Variants in EXOC4 observed in about 807,000 individuals in gnomAD.
EXOC4 encodes the protein SEC8-like 1.
A neutral mutation model predicts 107.2 loss-of-function variants in EXOC4; 71 were observed. The observed-to-expected ratio is 0.66, with a 90% CI of 0.55 to 0.81. The LOEUF (loss-of-function observed/expected upper bound fraction) is 0.81. EXOC4 is among the 30% of genes least tolerant of loss of function. EXOC4 has a pLI of 0.00. For missense variants in EXOC4, 1,108 were observed against 1,189.6 expected (o/e 0.93, Z 1.01); for synonymous variants, 456 against 441.2 (o/e 1.03, Z -0.42).
chr7:133,927,435 G>A (rs6955707), intron 13 of EXOC4, among the ~76,000 whole-genome samples: 70,035 of 152,026 alleles, frequency 0.46, 17,270 homozygotes, highest in African/African-American at 0.63. Flanking sequence ...TTCCTGTTGG[G>A]AATTTGAAAG....
intron 10 of EXOC4, among the ~76,000 whole-genome samples, chr7:133,694,538 G>C (rs887183275): frequency 1.3e-5 from 2 of 152,132 alleles, no homozygotes; most frequent in Non-Finnish European, 2.9e-5. Flanking sequence ...AACAGTATGT[G>C]TAAAGAAAAG....
intron 14 of EXOC4, among the ~76,000 whole-genome samples, chr7:133,941,640 G>A (rs1445068710): frequency 1.3e-5 from 2 of 151,974 alleles, no homozygotes; most frequent in African/African-American, 2.4e-5. Context: ...TTCTCCTCTG[G>A]TATTCTCCCC....
chr7:133,679,267 A>G (rs1191363288), intron 10 of EXOC4, among the ~76,000 whole-genome samples: 1 of 152,192 alleles, frequency 6.6e-6, no homozygotes, highest in Non-Finnish European at 1.5e-5. Flanking sequence ...CATTTTCAGA[A>G]TTTTATAGGG....
At chr7:133,375,624 ATTC>A (rs991077278) in intron 7 of EXOC4, among the ~76,000 whole-genome samples, 1 of 152,230 alleles carries the variant, frequency 6.6e-6, no homozygotes, top group African/African-American at 2.4e-5. Context: ...ACATTAAAAT[ATTC>A]TTAAGCATTA....
chr7:133,451,660 A>T (rs1302353430), intron 7 of EXOC4, among the ~76,000 whole-genome samples: 3 of 152,156 alleles, frequency 2.0e-5, no homozygotes, highest in Non-Finnish European at 4.4e-5. Context: ...GAGTCAGAGA[A>T]AGAGTTACAC....
intron 7 of EXOC4, among the ~76,000 whole-genome samples, chr7:133,399,646 GGT>G (rs1482898758): frequency 6.6e-6 from 1 of 152,198 alleles, no homozygotes; most frequent in African/African-American, 2.4e-5. Context: ...CCTCATGAGT[GGT>G]GTAGACAAGA....
chr7:133,579,843 C>T (rs761263496), intron 9 of EXOC4, among the ~76,000 whole-genome samples: 9 of 152,110 alleles, frequency 5.9e-5, no homozygotes, highest in African/African-American at 1.4e-4. Context: ...CGCGCCACCA[C>T]GCCCAGCTAA....
intron 10 of EXOC4, among the ~76,000 whole-genome samples, chr7:133,724,534 A>G (rs990936162): frequency 9.2e-5 from 14 of 152,184 alleles, no homozygotes; most frequent in African/African-American, 1.2e-4. Context: ...GAGTTATATT[A>G]GTGACAAAAC....
At chr7:133,570,734 G>C (rs1156314635) in intron 9 of EXOC4, among the ~76,000 whole-genome samples, 1 of 152,102 alleles carries the variant, frequency 6.6e-6, no homozygotes, top group Non-Finnish European at 1.5e-5. Flanking sequence ...TTTGATGTAT[G>C]GTTTTTCGCA....
chr7:133,461,468 T>C (rs1276267962), intron 7 of EXOC4, among the ~76,000 whole-genome samples: 2 of 152,226 alleles, frequency 1.3e-5, no homozygotes. Flanking sequence ...TTTTTATAAG[T>C]GTGACAATAT....
At chr7:133,983,069 G>A (rs2116923537) in intron 14 of EXOC4, among the ~76,000 whole-genome samples, 1 of 151,850 alleles carries the variant, frequency 6.6e-6, no homozygotes, top group African/African-American at 2.4e-5. Flanking sequence ...TTCTGGGGAG[G>A]CCTCAGGAAG....
At chr7:133,819,394 C>T (rs777628942) in intron 11 of EXOC4, among the ~76,000 whole-genome samples, 4 of 150,326 alleles carry the variant, frequency 2.7e-5, no homozygotes, top group Non-Finnish European at 4.4e-5. Flanking sequence ...ATTTTGCTAA[C>T]TTGTATATTT....
rs556006641 is a variant in EXOC4, at chr7:133,956,028, G to A, written c.2206+17959G>A. Among the ~76,000 whole-genome samples, 8 of 152,336 alleles carry A rather than the reference G, an allele frequency of 5.3e-5. 1 individual carries two copies. Among genetic ancestry groups the A allele is most frequent in the African/African-American group, 1.4e-4 (6 of 41,586 alleles). On this transcript the variant is annotated intron_variant, in intron 14 of 17. Coordinates refer to ENST00000253861, the MANE Select transcript of EXOC4 (RefSeq NM_021807.4). Reference sequence around the variant, plus strand: ...TGGGTGGCAGCAGCTGCACCTGGGAGGGCAGGGCTCCTGCCTGCTCCTGGC... The same window carrying A: ...TGGGTGGCAGCAGCTGCACCTGGGAAGGCAGGGCTCCTGCCTGCTCCTGGC...
At chr7:133,414,691 A>AAT (rs1797434573) in intron 7 of EXOC4, among the ~76,000 whole-genome samples, 1 of 152,142 alleles carries the variant, frequency 6.6e-6, no homozygotes, top group South Asian at 2.1e-4. Context: ...AAGAGTATAT[A>AAT]ATATATGTAA....
At chr7:133,927,360 C>A (rs6955279) in intron 13 of EXOC4, among the ~76,000 whole-genome samples, 1 of 151,880 alleles carries the variant, frequency 6.6e-6, no homozygotes, top group Admixed American at 6.5e-5. Flanking sequence ...TCTAGCAGAG[C>A]CAGGAATGTG....
At chr7:133,633,968 T>A (rs1286008683) in intron 10 of EXOC4, among the ~76,000 whole-genome samples, 1 of 152,064 alleles carries the variant, frequency 6.6e-6, no homozygotes, top group Non-Finnish European at 1.5e-5. Flanking sequence ...TGCACTTCAT[T>A]TATTAAAATC....
chr7:133,853,555 C>T (rs1432424717), intron 11 of EXOC4, among the ~76,000 whole-genome samples: 1 of 152,060 alleles, frequency 6.6e-6, no homozygotes, highest in Non-Finnish European at 1.5e-5. Context: ...GTCAGTATCT[C>T]ATCAGTTTTT....
rs142646095 is a variant in EXOC4 at position 134,029,353 on chromosome 7, T to C, written c.2687+21518T>C. On this transcript the variant is annotated intron_variant, in intron 17 of 17. Transcript: ENST00000253861. Reference sequence around the variant, plus strand: ...TCAAAAGAAACCACGCACTTTATAATTTCATTCATATGAAGGTCCAGAATA... The same window carrying C: ...TCAAAAGAAACCACGCACTTTATAACTTCATTCATATGAAGGTCCAGAATA... Among the ~76,000 whole-genome samples the C allele has an allele frequency of 5.9e-3, 893 of 152,284 alleles. 27 individuals are homozygous for C. In the East Asian group the frequency reaches 0.073, roughly 12 times the overall value.
intron 11 of EXOC4, among the ~76,000 whole-genome samples, chr7:133,884,618 T>TGC (rs983672819): frequency 1.9e-4 from 28 of 145,498 alleles, no homozygotes; most frequent in South Asian, 6.4e-4. Flanking sequence ...TGTGTGTGTG[T>TGC]GTGCGCGCGT....
Sources: gnomAD v4.1 joint callset for allele counts (sites outside exome capture counted in the v4.1 genomes callset) on GRCh38, gnomAD v4.1.1 for gene constraint, MANE v1.5 for transcripts, NCBI Gene and HGNC (gene_info 2026-07-23, HGNC 2026-07-21) for gene names.